The following SCLT1 variants were observed in gnomAD, a reference collection of about 807,000 sequenced individuals.
The protein encoded by SCLT1 is sodium channel-associated protein 1.
In SCLT1, 78 loss-of-function variants were observed where a neutral mutation model predicts 112.8. The ratio of observed to expected loss-of-function variants is 0.69; its 90% CI spans 0.58 to 0.83. The LOEUF (loss-of-function observed/expected upper bound fraction) is 0.83, where lower values mean the gene tolerates loss of function less well. SCLT1 is among the 40% of genes least tolerant of loss of function. The probability of loss-of-function intolerance (pLI) is 0.00; values close to 1 mark genes in which losing one functional copy is unlikely to be tolerated. For synonymous variants in SCLT1, 257 were observed against 254.7 expected, an observed-to-expected ratio of 1.01 and a Z score of -0.09; for missense variants, 747 against 770.4, an observed-to-expected ratio of 0.97 and a Z score of 0.36.
At chr4:129,029,013 A>G (rs1219809771) in intron 5 of SCLT1, among the ~76,000 whole-genome samples, 1 of 152,212 alleles carries the variant, frequency 6.6e-6, no homozygotes, top group Admixed American at 6.5e-5. Context: ...CAATCATTAA[A>G]AAGTCAGGAA....
chr4:129,028,590 G>T (rs1445956922), intron 5 of SCLT1, among the ~76,000 whole-genome samples: 1 of 152,128 alleles, frequency 6.6e-6, no homozygotes, highest in Non-Finnish European at 1.5e-5. Context: ...GAAAACCTAT[G>T]CATTACCATT....
intron 6 of SCLT1, 135 bp downstream of exon 6, chr4:129,003,606 A>G: frequency 1.4e-6 from 1 of 706,704 alleles, no homozygotes; most frequent in Middle Eastern, 3.9e-4. Flanking sequence ...TGCTACCTGT[A>G]ACGATTCTTA....
At chr4:128,897,838 C>A (rs1733911447) in intron 18 of SCLT1, among the ~76,000 whole-genome samples, 1 of 151,482 alleles carries the variant, frequency 6.6e-6, no homozygotes, top group South Asian at 2.1e-4. Context: ...ATCTACCAAG[C>A]AAATGGAAAA....
At chr4:129,064,827 C>T (rs1025316939) in intron 2 of SCLT1, among the ~76,000 whole-genome samples, 2 of 152,034 alleles carry the variant, frequency 1.3e-5, no homozygotes, top group African/African-American at 4.8e-5. Context: ...TAGCTAAATG[C>T]CACTGTGGTC....
intron 5 of SCLT1, among the ~76,000 whole-genome samples, chr4:129,021,161 T>TCC (rs1745437928): frequency 6.6e-6 from 1 of 152,076 alleles, no homozygotes; most frequent in Non-Finnish European, 1.5e-5. Context: ...GTCAGGGAAC[T>TCC]CCCTCCCACA....
intron 2 of SCLT1, among the ~76,000 whole-genome samples, chr4:129,078,027 T>C (rs1222939218): frequency 1.3e-5 from 2 of 152,138 alleles, no homozygotes; most frequent in African/African-American, 2.4e-5. Flanking sequence ...TCTGAAGATA[T>C]GGAGGATGGC....
intron 18 of SCLT1, among the ~76,000 whole-genome samples, chr4:128,911,764 T>C (rs185050792): frequency 2.1e-4 from 32 of 152,334 alleles, no homozygotes; most frequent in African/African-American, 7.7e-4. Flanking sequence ...ATCATGACTA[T>C]ACTTATATTT....
intron 2 of SCLT1, among the ~76,000 whole-genome samples, chr4:129,066,504 T>C (rs1313727701): frequency 1.3e-5 from 2 of 151,986 alleles, no homozygotes; most frequent in Non-Finnish European, 2.9e-5. Flanking sequence ...CTCCAGCAAT[T>C]CTAGTAAATC....
intron 2 of SCLT1, among the ~76,000 whole-genome samples, chr4:129,069,887 G>A (rs560701951): frequency 6.6e-6 from 1 of 152,200 alleles, no homozygotes; most frequent in Admixed American, 6.5e-5. Context: ...GTTGGCTGTG[G>A]GTTTGTCATA....
At chr4:128,993,298 G>A (rs575312419) in intron 8 of SCLT1, among the ~76,000 whole-genome samples, 15 of 152,068 alleles carry the variant, frequency 9.9e-5, no homozygotes, top group African/African-American at 3.4e-4. Context: ...ACTAAAATAT[G>A]AGCCTTTTTA....
intron 5 of SCLT1, among the ~76,000 whole-genome samples, chr4:129,018,703 TA>T (rs1745197275): frequency 6.6e-6 from 1 of 152,110 alleles, no homozygotes; most frequent in African/African-American, 2.4e-5. Context: ...ACCAAATAAT[TA>T]AAAAATAAAT....
intron 8 of SCLT1, 66 bp from the exon 9 acceptor site, chr4:128,992,303 A>G: frequency 1.0e-6 from 1 of 992,426 alleles, no homozygotes; most frequent in Non-Finnish European, 1.5e-6. Context: ...AAGATGACAC[A>G]TCAGACATAC....
At chr4:128,955,630 G>A (rs181959726) in intron 13 of SCLT1, among the ~76,000 whole-genome samples, 2 of 152,248 alleles carry the variant, frequency 1.3e-5, no homozygotes, top group Admixed American at 6.5e-5. Flanking sequence ...TGAAGGACAT[G>A]CCGTGAATAA....
chr4:128,935,182 T>C (rs1053287999), intron 18 of SCLT1, among the ~76,000 whole-genome samples: 2 of 151,942 alleles, frequency 1.3e-5, no homozygotes, highest in African/African-American at 4.8e-5. Context: ...TTTTTTTTTG[T>C]TGTTAGTTCT....
intron 16 of SCLT1, chr4:128,944,590 G>A (rs1737982641): frequency 6.6e-6 from 1 of 152,124 alleles, no homozygotes; most frequent in Non-Finnish European, 1.5e-5. Flanking sequence ...AGAGATTAAA[G>A]GAGATGCAAG....
intron 5 of SCLT1, among the ~76,000 whole-genome samples, chr4:129,016,022 CTTGA>C (rs1342712418): frequency 6.6e-6 from 1 of 152,016 alleles, no homozygotes; most frequent in African/African-American, 2.4e-5. Flanking sequence ...TTAAGTTGCA[CTTGA>C]TTAATTATCT....
At chr4:128,960,901 T>A (rs1579514135) in intron 11 of SCLT1, among the ~76,000 whole-genome samples, 1 of 106,806 alleles carries the variant, frequency 9.4e-6, no homozygotes, top group Admixed American at 1.5e-4. Context: ...CAGTCCGGCC[T>A]GGGCGACAGA....
intron 5 of SCLT1, among the ~76,000 whole-genome samples, chr4:129,009,519 G>GAA (rs75119229): frequency 1.3e-4 from 12 of 92,970 alleles, no homozygotes; most frequent in African/African-American, 3.9e-4. Flanking sequence ...GTCTCAAAAA[G>GAA]AAAAAAAAAA....
At chr4:128,999,888 TA>T (rs1743324382) in intron 6 of SCLT1, 94 bp from the exon 7 acceptor site, 1 of 724,488 alleles carries the variant, frequency 1.4e-6, no homozygotes. Flanking sequence ...TAAGTTCTTA[TA>T]AAGTCATAAA....
Sources: gnomAD v4.1 joint callset for allele counts (sites outside exome capture counted in the v4.1 genomes callset) on GRCh38, gnomAD v4.1.1 for gene constraint, MANE v1.5 for transcripts, NCBI Gene and HGNC (gene_info 2026-07-23, HGNC 2026-07-21) for gene names.